KLF12: variants seen among roughly 807,000 people sequenced by gnomAD.
KLF12 encodes the protein Krueppel-like factor 12.
A neutral mutation model predicts 37.8 loss-of-function variants in KLF12; 9 were observed. The observed-to-expected ratio is 0.24, with a 90% confidence interval of 0.14 to 0.42. The LOEUF (loss-of-function observed/expected upper bound fraction) is 0.42. Ranked by LOEUF, KLF12 falls within the 10% of genes least tolerant of loss-of-function variation. The probability of loss-of-function intolerance (pLI) is 1.00; values close to 1 mark genes in which losing one functional copy is unlikely to be tolerated. For synonymous variants in KLF12, 208 were observed against 202.1 expected, an observed-to-expected ratio of 1.03 and a Z score of -0.25; for missense variants, 411 against 516.0, an observed-to-expected ratio of 0.80 and a Z score of 1.97.
At chr13:73,990,872 C>A (rs1475563051) in intron 2 of KLF12, among the ~76,000 whole-genome samples, 2 of 151,912 alleles carry the variant, frequency 1.3e-5, no homozygotes, top group Admixed American at 6.6e-5. Flanking sequence ...TTTTAAAAAA[C>A]CGTTTCTAAT....
intron 1 of KLF12, among the ~76,000 whole-genome samples, chr13:74,053,269 A>G (rs1379347155): frequency 6.6e-6 from 1 of 152,218 alleles, no homozygotes; most frequent in Non-Finnish European, 1.5e-5. Context: ...TATCCTACAC[A>G]TACTTTATTT....
chr13:74,115,359 A>G (rs76652635), intron 1 of KLF12, among the ~76,000 whole-genome samples: 7,729 of 152,234 alleles, frequency 0.051, 261 homozygotes, highest in Non-Finnish European at 0.076. Flanking sequence ...ATTCTCTCAC[A>G]GTTGTAGAGA....
the KLF12 span, among the ~76,000 whole-genome samples, chr13:74,177,059 A>G: frequency 6.6e-6 from 1 of 152,174 alleles, no homozygotes; most frequent in African/African-American, 2.4e-5. Flanking sequence ...ATCTTCTCTA[A>G]CAGTGCATTA....
At chr13:74,289,438 A>G in the KLF12 span, among the ~76,000 whole-genome samples, 1 of 152,354 alleles carries the variant, frequency 6.6e-6, no homozygotes, top group African/African-American at 2.4e-5. Context: ...AGTTTGGAGC[A>G]GAGAGAGCTT....
At chr13:74,155,397 T>C in the KLF12 span, among the ~76,000 whole-genome samples, 1 of 152,096 alleles carries the variant, frequency 6.6e-6, no homozygotes, top group South Asian at 2.1e-4. Flanking sequence ...GTTTTGTTCT[T>C]GTTGCCCAGG....
At chr13:74,261,157 C>A in the KLF12 span, among the ~76,000 whole-genome samples, 482 of 152,192 alleles carry the variant, frequency 3.2e-3, 3 homozygotes, top group African/African-American at 0.011. Flanking sequence ...AAAAAGAGAT[C>A]AATATGTATT....
At position 74,112,673 on chromosome 13, in the gene KLF12, C is replaced by T. The variant is rs569652502; in HGVS notation, c.-32+21066G>A. Among the ~76,000 whole-genome samples, 134 of 152,282 alleles carry T rather than the reference C, an allele frequency of 8.8e-4. 1 individual carries two copies. Among genetic ancestry groups the T allele is most frequent in the African/African-American group, 2.8e-3 (115 of 41,572 alleles). Reference sequence around the variant, plus strand: ...TAAATAGATGTTGTGTGTGTTCTTACTGCTCCACCAACTGGCAATTCCTTC... The same window carrying T: ...TAAATAGATGTTGTGTGTGTTCTTATTGCTCCACCAACTGGCAATTCCTTC... On this transcript the variant is annotated intron_variant, in intron 1 of 7. Coordinates refer to ENST00000377669, the MANE Select transcript of KLF12 (RefSeq NM_007249.5).
At chr13:73,882,900 T>C (rs1887048181) in intron 3 of KLF12, among the ~76,000 whole-genome samples, 1 of 152,194 alleles carries the variant, frequency 6.6e-6, no homozygotes, top group African/African-American at 2.4e-5. Flanking sequence ...AACCATCTCA[T>C]GTTCAGGCAA....
At chr13:74,119,957 GA>G (rs530200983) in intron 1 of KLF12, among the ~76,000 whole-genome samples, 6 of 139,966 alleles carry the variant, frequency 4.3e-5, no homozygotes, top group East Asian at 4.1e-4. Flanking sequence ...CCAAAGAAAA[GA>G]AAAAAAAGAA....
At chr13:73,885,014 A>C (rs1887153226) in intron 3 of KLF12, among the ~76,000 whole-genome samples, 1 of 152,170 alleles carries the variant, frequency 6.6e-6, no homozygotes, top group Non-Finnish European at 1.5e-5. Context: ...CATTGTGCTC[A>C]AACTCTCAGT....
At chr13:73,948,448 G>A (rs959547749) in intron 2 of KLF12, among the ~76,000 whole-genome samples, 3 of 152,104 alleles carry the variant, frequency 2.0e-5, no homozygotes, top group Non-Finnish European at 4.4e-5. Context: ...CGAACTCCCG[G>A]CCTCAAGTGA....
chr13:74,212,688 C>A, the KLF12 span, among the ~76,000 whole-genome samples: 1 of 151,968 alleles, frequency 6.6e-6, no homozygotes, highest in Non-Finnish European at 1.5e-5. Flanking sequence ...AAAATCAATT[C>A]ATAATTGATT....
intron 7 of KLF12, among the ~76,000 whole-genome samples, chr13:73,713,718 T>G (rs1343857912): frequency 1.3e-5 from 2 of 152,236 alleles, no homozygotes; most frequent in African/African-American, 4.8e-5. Flanking sequence ...ATCTGTAAGA[T>G]GCAATCCTAT....
chr13:74,265,309 G>C, the KLF12 span, among the ~76,000 whole-genome samples: 45 of 152,188 alleles, frequency 3.0e-4, no homozygotes, highest in Non-Finnish European at 5.4e-4. Flanking sequence ...CCATTTATTC[G>C]TGCTTTCCCT....
intron 7 of KLF12, among the ~76,000 whole-genome samples, chr13:73,708,646 T>C (rs1378822452): frequency 2.6e-5 from 4 of 152,188 alleles, no homozygotes; most frequent in African/African-American, 9.6e-5. Flanking sequence ...TAGAAATTAC[T>C]AGAGCATTTA....
intron 2 of KLF12, among the ~76,000 whole-genome samples, chr13:73,949,281 C>A (rs1890559364): frequency 6.6e-6 from 1 of 152,206 alleles, no homozygotes; most frequent in East Asian, 1.9e-4. Flanking sequence ...AAGGTCCCAA[C>A]AGAGACATTG....
the KLF12 span, among the ~76,000 whole-genome samples, chr13:74,285,852 G>A: frequency 6.6e-6 from 1 of 152,148 alleles, no homozygotes. Context: ...AGAGGTATAA[G>A]CATTTTTCTA....
chr13:73,842,639 C>T (rs1884798967), intron 4 of KLF12, among the ~76,000 whole-genome samples: 1 of 152,212 alleles, frequency 6.6e-6, no homozygotes, highest in Non-Finnish European at 1.5e-5. Context: ...GTTATACCAA[C>T]TTTAAAAGTA....
chr13:73,994,118 G>A (rs1892042183), intron 2 of KLF12, among the ~76,000 whole-genome samples: 1 of 152,188 alleles, frequency 6.6e-6, no homozygotes, highest in African/African-American at 2.4e-5. Context: ...GGCAATTTAA[G>A]TGAAAGATAC....
Sources: allele counts gnomAD v4.1 joint callset (sites outside exome capture counted in the v4.1 genomes callset), GRCh38; gene constraint gnomAD v4.1.1; transcripts MANE v1.5; gene names NCBI Gene and HGNC (gene_info 2026-07-23, HGNC 2026-07-21).